The following USP48 variants were observed in gnomAD, a reference collection of about 807,000 sequenced individuals.
USP48 encodes the protein ubiquitin carboxyl-terminal hydrolase 48.
A neutral mutation model predicts 150.7 loss-of-function variants in USP48; 43 were observed. The observed-to-expected ratio is 0.29, with a 90% CI of 0.22 to 0.37. The LOEUF (loss-of-function observed/expected upper bound fraction) is 0.37. Ranked by LOEUF, USP48 falls within the 10% of genes least tolerant of loss-of-function variation. The pLI is 1.00. For missense variants in USP48, 813 were observed against 1,249.6 expected (o/e 0.65, Z 5.27); for synonymous variants, 396 against 425.9 (o/e 0.93, Z 0.86).
intron 8 of USP48, 21 bp downstream of exon 8, chr1:21,747,046 A>G: frequency 6.4e-7 from 1 of 1,557,444 alleles, no homozygotes; most frequent in Non-Finnish European, 8.8e-7. Flanking sequence ...TATAATGTTT[A>G]CTCCTCAGTA....
intron 14 of USP48, among the ~76,000 whole-genome samples, chr1:21,716,293 G>A (rs1395782846): frequency 6.6e-6 from 1 of 152,106 alleles, no homozygotes; most frequent in Admixed American, 6.6e-5. Flanking sequence ...AGTAAAATAA[G>A]GGTAACTTGA....
rs1191260209 is a variant in USP48 at position 21,752,560 on chromosome 1, T to C, written c.632A>G (p.Gln211Arg). Residue 211 changes from glutamine (Q) to arginine (R), a missense_variant, in exon 5 of 27, where the codon CAG becomes CGG. By Grantham distance (43) the Gln-to-Arg change is conservative. Transcript: ENST00000308271. ...KNPDVRNIVQQQFCGEYAYVT... is the reference protein window; with the variant it reads ...KNPDVRNIVQRQFCGEYAYVT... ...ATAGGCATATTCTCCACAGAACTGCTGTTGAACAATATTGCGCACATCTGG... is the reference window on the plus strand; with the variant it reads ...ATAGGCATATTCTCCACAGAACTGCCGTTGAACAATATTGCGCACATCTGG... The C allele has an allele frequency of 1.2e-6, 2 of 1,613,300 alleles. No individual in the cohort carries two copies. Among genetic ancestry groups the C allele is most frequent in the South Asian group, 1.1e-5 (1 of 90,870 alleles).
At chr1:21,705,013 G>A (rs563129250) in intron 19 of USP48, among the ~76,000 whole-genome samples, 2 of 152,134 alleles carry the variant, frequency 1.3e-5, no homozygotes, top group African/African-American at 2.4e-5. Context: ...CAGGGAAGGC[G>A]GGATGCAGAG....
At chr1:21,766,762 C>A (rs1023924749) in intron 1 of USP48, among the ~76,000 whole-genome samples, 8 of 151,754 alleles carry the variant, frequency 5.3e-5, no homozygotes, top group African/African-American at 1.9e-4. Flanking sequence ...CTCTACCTAA[C>A]GGGCTCAAGA....
At chr1:21,781,325 G>A (rs1474445325) in intron 1 of USP48, among the ~76,000 whole-genome samples, 3 of 152,096 alleles carry the variant, frequency 2.0e-5, no homozygotes, top group Non-Finnish European at 2.9e-5. Flanking sequence ...TGTAATCCCA[G>A]CTATTCAGGA....
At chr1:21,711,350 GTAGT>G (rs979560407) in intron 15 of USP48, among the ~76,000 whole-genome samples, 4 of 152,126 alleles carry the variant, frequency 2.6e-5, no homozygotes, top group African/African-American at 9.7e-5. Flanking sequence ...TAAGAAGTAT[GTAGT>G]TAGATGCTCA....
At chr1:21,716,145 G>A (rs1486319707) in intron 14 of USP48, among the ~76,000 whole-genome samples, 2 of 151,738 alleles carry the variant, frequency 1.3e-5, no homozygotes, top group Non-Finnish European at 2.9e-5. Flanking sequence ...AGTAACCTCA[G>A]CATATGATTT....
intron 21 of USP48, among the ~76,000 whole-genome samples, chr1:21,702,097 A>G (rs768475927): frequency 1.3e-4 from 20 of 152,192 alleles, no homozygotes; most frequent in Non-Finnish European, 2.4e-4. Flanking sequence ...ATTGGATAAT[A>G]TTTTATACCA....
At chr1:21,769,065 G>A (rs2152635912) in intron 1 of USP48, among the ~76,000 whole-genome samples, 1 of 152,190 alleles carries the variant, frequency 6.6e-6, no homozygotes, top group Non-Finnish European at 1.5e-5. Flanking sequence ...GCTTTGAGTT[G>A]TTGCTTTTGC....
At chr1:21,745,689 A>G (rs1413141023) in intron 8 of USP48, among the ~76,000 whole-genome samples, 1 of 152,210 alleles carries the variant, frequency 6.6e-6, no homozygotes, top group Non-Finnish European at 1.5e-5. Context: ...AAACTGGGCA[A>G]ATATATAATA....
Position 21,728,584 on chromosome 1 carries a change from A to T in USP48, c.1436T>A (p.Leu479Ter). The change falls in exon 11 of 27, where the codon TTA becomes TAA. Residue 479 changes from leucine (L) to a stop codon, truncating the protein, a stop_gained. Coordinates refer to ENST00000308271, the MANE Select transcript of USP48 (RefSeq NM_032236.8). LOFTEE classifies it high-confidence loss of function. ...ATCTTACAGACCAGCTCCAGCAGGTAACCTTTGGTACAGCTCCTTAACCTC... is the reference window on the plus strand; with the variant it reads ...ATCTTACAGACCAGCTCCAGCAGGTTACCTTTGGTACAGCTCCTTAACCTC... ...HEEVKELYQR[L>*]PAGAEPYEFV... 6.2e-7 allele frequency: 1 copy of T among 1,613,984 alleles called. No individual in the cohort carries two copies. Among genetic ancestry groups the T allele is most frequent in the Non-Finnish European group, 8.5e-7 (1 of 1,179,932 alleles).
chr1:21,679,092 C>G lies in USP48; in HGVS notation c.*325G>C. On this transcript the variant is annotated 3_prime_UTR_variant, in exon 27 of 27. Transcript: ENST00000308271. ...CAAGGAAATATAACAGAACTTTATT[C>G]CCCTCCCACGACTATAAATCTCATA... 2.4e-6 allele frequency: 1 copy of G among 413,548 alleles called. No individual in the cohort carries two copies. The highest frequency in any genetic ancestry group is 5.2e-5 in the East Asian group (1 of 19,092). 25.6% of individuals were successfully genotyped at this position (413,548 alleles called of 1,614,324 possible). A position where few individuals can be genotyped will look rare whatever the true frequency, so the allele number is the denominator to read the frequency against.
chr1:21,715,527 A>ATCTG, intron 14 of USP48, 70 bp from the exon 15 acceptor site: 7 of 905,178 alleles, frequency 7.7e-6, no homozygotes, highest in Non-Finnish European at 1.2e-5. Flanking sequence ...TAGCAGATAT[A>ATCTG]CTACTCTGCA....
At chr1:21,719,217 G>C (rs1019438765) in intron 14 of USP48, among the ~76,000 whole-genome samples, 1 of 150,736 alleles carries the variant, frequency 6.6e-6, no homozygotes, top group African/African-American at 2.4e-5. Flanking sequence ...GGGGGGCAGA[G>C]GTTGCAGTGA....
rs1276467474 is a variant in USP48 at position 21,705,757 on chromosome 1, A to C, written c.2354T>G (p.Phe785Cys). The change falls in exon 19 of 27, where the codon TTT (phenylalanine) becomes TGT (cysteine). Residue 785 changes from phenylalanine to cysteine, a missense_variant. Coordinates refer to ENST00000308271, the MANE Select transcript of USP48 (RefSeq NM_032236.8). ...LCPHGGLMFT[F>C]ASMTKEDSKL... The stretch of plus-strand genomic sequence containing the variant: ...AGAATCTTCTTTGGTCATGGAAGCA[A>C]ATGTAAACATGAGGCCCCCGTGGGG... 1 of 1,611,004 alleles carries C rather than the reference A, an allele frequency of 6.2e-7. No homozygotes were observed. Among genetic ancestry groups the C allele is most frequent in the African/African-American group, 1.3e-5 (1 of 74,724 alleles).
chr1:21,777,689 GAGA>G (rs559928814), intron 1 of USP48, among the ~76,000 whole-genome samples: 1 of 152,006 alleles, frequency 6.6e-6, no homozygotes, highest in African/African-American at 2.4e-5. Context: ...TAAGAAGGCG[GAGA>G]AGAAGAAGAA....
chr1:21,692,504 C>A (rs2097605230), intron 23 of USP48, among the ~76,000 whole-genome samples: 4 of 152,124 alleles, frequency 2.6e-5, no homozygotes, highest in Non-Finnish European at 5.9e-5. Flanking sequence ...TGAAACTGGA[C>A]AAACAGCAAA....
intron 8 of USP48, 92 bp from the exon 9 acceptor site, chr1:21,736,717 C>A: frequency 8.9e-7 from 1 of 1,120,266 alleles, no homozygotes; most frequent in Non-Finnish European, 1.2e-6. Context: ...AATCTTTACA[C>A]ATGTGGTATA....
intron 11 of USP48, chr1:21,727,897 C>A: frequency 1.0e-6 from 1 of 981,920 alleles, no homozygotes; most frequent in Non-Finnish European, 1.2e-6. Context: ...AATTGTCTCT[C>A]TTCCTTAAGT....
Sources: gnomAD v4.1 joint callset for allele counts (sites outside exome capture counted in the v4.1 genomes callset) on GRCh38, gnomAD v4.1.1 for gene constraint, MANE v1.5 for transcripts, NCBI Gene and HGNC (gene_info 2026-07-23, HGNC 2026-07-21) for gene names.